MIPEP: variants seen among roughly 807,000 people sequenced by gnomAD.
MIPEP encodes mitochondrial intermediate peptidase.
In MIPEP, 79 loss-of-function variants were observed where a neutral mutation model predicts 90.3. The observed-to-expected ratio is 0.87, with a 90% CI of 0.73 to 1.05. The LOEUF is 1.05. Ranked by LOEUF, MIPEP falls within the 50% of genes least tolerant of loss-of-function variation. The pLI is 0.00. For missense variants in MIPEP, 940 were observed against 905.6 expected (o/e 1.04, Z -0.49); for synonymous variants, 334 against 315.8 (o/e 1.06, Z -0.61).
At chr13:23,831,387 G>GGAGC (rs1555237554) in intron 14 of MIPEP, among the ~76,000 whole-genome samples, 5 of 140,230 alleles carry the variant, frequency 3.6e-5, no homozygotes, top group East Asian at 2.1e-4. Context: ...CCATGGCGGG[G>GGAGC]GGGGGATGTG....
At chr13:23,765,222 C>T (rs1002853236) in intron 16 of MIPEP, among the ~76,000 whole-genome samples, 13 of 152,236 alleles carry the variant, frequency 8.5e-5, no homozygotes, top group Non-Finnish European at 1.8e-4. Flanking sequence ...CAATTCCCCA[C>T]AGATGCTGAG....
At chr13:23,810,795 C>T (rs1263768713) in intron 14 of MIPEP, among the ~76,000 whole-genome samples, 4 of 152,178 alleles carry the variant, frequency 2.6e-5, no homozygotes, top group African/African-American at 7.2e-5. Flanking sequence ...GGAGTCTACT[C>T]GGCAGACACT....
chr13:23,855,633 C>T (rs17079439), intron 10 of MIPEP, among the ~76,000 whole-genome samples: 13,897 of 152,094 alleles, frequency 0.091, 2,157 homozygotes, highest in African/African-American at 0.32. Flanking sequence ...ATTACCTGTG[C>T]GGCAGCCTCC....
intron 16 of MIPEP, among the ~76,000 whole-genome samples, chr13:23,767,431 G>A (rs1330281425): frequency 6.6e-6 from 1 of 151,090 alleles, no homozygotes; most frequent in Non-Finnish European, 1.5e-5. Flanking sequence ...TTGTGAAAAT[G>A]TTTGAAGGGC....
chr13:23,888,984 G>T (rs1159337788), intron 1 of MIPEP, 148 bp downstream of exon 1: 5 of 737,038 alleles, frequency 6.8e-6, no homozygotes, highest in Non-Finnish European at 9.6e-6. Flanking sequence ...CCCTCATCGA[G>T]AGCGCACACA....
chr13:23,794,787 G>C (rs951515825), intron 16 of MIPEP, among the ~76,000 whole-genome samples: 9 of 152,082 alleles, frequency 5.9e-5, no homozygotes, highest in Non-Finnish European at 1.2e-4. Context: ...TTAAATCACT[G>C]AAATCTAGAG....
chr13:23,886,597 A>G, intron 1 of MIPEP, 91 bp from the exon 2 acceptor site: 1 of 1,093,246 alleles, frequency 9.1e-7, no homozygotes, highest in Admixed American at 2.8e-5. Flanking sequence ...CACAAAGGAG[A>G]TCTTGACTTT....
rs201143103 is a variant in MIPEP, at chr13:23,805,498, T to A, written c.1848+452A>T. 2.0e-4 allele frequency among the ~76,000 whole-genome samples: 31 copies of A among 152,342 alleles called. No homozygotes were observed. In the East Asian group the frequency reaches 4.2e-3, roughly 21 times the overall value. ...AGAATCCAATAAATGGTAACATTAC[T>A]CCTGCTCTCTCTCCTGACATGGTAC... is the stretch of plus-strand genomic sequence containing the variant. On this transcript the variant is annotated intron_variant, in intron 16 of 18. Coordinates refer to ENST00000382172, the MANE Select transcript of MIPEP (RefSeq NM_005932.4).
At chr13:23,853,372 T>A (rs1739056904) in intron 10 of MIPEP, among the ~76,000 whole-genome samples, 1 of 152,166 alleles carries the variant, frequency 6.6e-6, no homozygotes, top group Non-Finnish European at 1.5e-5. Flanking sequence ...ACCTTTTCCA[T>A]GTTTAGATGC....
chr13:23,792,887 G>C (rs752763688), intron 16 of MIPEP, among the ~76,000 whole-genome samples: 2 of 152,158 alleles, frequency 1.3e-5, no homozygotes, highest in Non-Finnish European at 2.9e-5. Flanking sequence ...TGAGACAAGT[G>C]CAAATTAAAA....
intron 16 of MIPEP, 102 bp downstream of exon 16, chr13:23,805,848 T>C (rs1593164699): frequency 7.8e-7 from 1 of 1,280,350 alleles, no homozygotes; most frequent in Non-Finnish European, 1.1e-6. Flanking sequence ...TCAACATAAA[T>C]GTAGGGATTT....
At chr13:23,799,000 G>GTTTTTTTTT (rs765292524) in intron 16 of MIPEP, among the ~76,000 whole-genome samples, 3 of 88,904 alleles carry the variant, frequency 3.4e-5, no homozygotes, top group African/African-American at 4.7e-5. Context: ...AATTTTTTTG[G>GTTTTTTTTT]TTTTTTTTTT....
intron 16 of MIPEP, among the ~76,000 whole-genome samples, chr13:23,786,435 C>T (rs1044135346): frequency 2.6e-5 from 4 of 151,912 alleles, no homozygotes; most frequent in African/African-American, 9.7e-5. Context: ...AAGCTATCAA[C>T]AACATACAAG....
chr13:23,766,839 C>T (rs1246519795), intron 16 of MIPEP, among the ~76,000 whole-genome samples: 4 of 152,240 alleles, frequency 2.6e-5, no homozygotes, highest in Non-Finnish European at 5.9e-5. Flanking sequence ...TAAATATAGA[C>T]AGAAGCTGCT....
intron 10 of MIPEP, among the ~76,000 whole-genome samples, chr13:23,844,013 T>C (rs1416328946): frequency 6.6e-6 from 1 of 151,788 alleles, no homozygotes; most frequent in Non-Finnish European, 1.5e-5. Flanking sequence ...GGGAGGAGGA[T>C]GGAGGGCTCA....
At chr13:23,841,849 T>A (rs1869312291) in intron 10 of MIPEP, among the ~76,000 whole-genome samples, 1 of 152,178 alleles carries the variant, frequency 6.6e-6, no homozygotes, top group Non-Finnish European at 1.5e-5. Flanking sequence ...TAATGGTAAC[T>A]CTTACCTTAT....
chr13:23,880,711 G>C (rs1402117300), intron 3 of MIPEP, among the ~76,000 whole-genome samples: 1 of 152,162 alleles, frequency 6.6e-6, no homozygotes, highest in Non-Finnish European at 1.5e-5. Context: ...GTCCCATTAC[G>C]CAAGTTGGTT....
At chr13:23,818,370 G>A (rs995945305) in intron 14 of MIPEP, among the ~76,000 whole-genome samples, 4 of 152,186 alleles carry the variant, frequency 2.6e-5, no homozygotes, top group African/African-American at 9.7e-5. Context: ...AGGATGCAGT[G>A]TGACAAGATC....
intron 16 of MIPEP, 33 bp downstream of exon 16, chr13:23,805,917 A>C: frequency 1.9e-6 from 3 of 1,610,328 alleles, no homozygotes; most frequent in Non-Finnish European, 2.5e-6. Flanking sequence ...GAACCACTCA[A>C]TACACAAAAC....
Sources: allele counts gnomAD v4.1 joint callset (sites outside exome capture counted in the v4.1 genomes callset), GRCh38; gene constraint gnomAD v4.1.1; transcripts MANE v1.5; gene names NCBI Gene and HGNC (gene_info 2026-07-23, HGNC 2026-07-21).